KCNIP4: variants seen among roughly 807,000 people sequenced by gnomAD.
KCNIP4 encodes potassium voltage-gated channel interacting protein 4.
In KCNIP4, 12 loss-of-function variants were observed where a neutral mutation model predicts 34.0. The observed-to-expected ratio is 0.35, with a 90% CI of 0.23 to 0.57. KCNIP4 has a LOEUF of 0.57. Ranked by LOEUF, KCNIP4 falls within the 20% of genes least tolerant of loss-of-function variation. The pLI, the probability that KCNIP4 is intolerant of heterozygous loss-of-function variation, is 0.83. For missense variants in KCNIP4, 238 were observed against 311.7 expected (o/e 0.76, Z 1.78); for synonymous variants, 124 against 102.2 (o/e 1.21, Z -1.29).
intron 1 of KCNIP4, among the ~76,000 whole-genome samples, chr4:20,911,108 G>T (rs561373343): frequency 5.3e-5 from 8 of 152,230 alleles, no homozygotes; most frequent in African/African-American, 1.9e-4. Flanking sequence ...AACAAATCTA[G>T]TTTGTTTTAG....
chr4:21,291,927 GA>G (rs1560260167), intron 1 of KCNIP4, among the ~76,000 whole-genome samples: 1 of 66,666 alleles, frequency 1.5e-5, no homozygotes, highest in Non-Finnish European at 2.7e-5. Context: ...AAGAAAGAAA[GA>G]AAGAAAGAAA....
chr4:20,878,066 G>A (rs1295365791), intron 2 of KCNIP4, among the ~76,000 whole-genome samples: 5 of 151,962 alleles, frequency 3.3e-5, no homozygotes. Flanking sequence ...GGTCATCAGT[G>A]GAGCTCAGCC....
At chr4:20,760,553 T>A (rs1432287305) in intron 3 of KCNIP4, among the ~76,000 whole-genome samples, 1 of 152,218 alleles carries the variant, frequency 6.6e-6, no homozygotes, top group African/African-American at 2.4e-5. Flanking sequence ...ATAAACAGTG[T>A]TAACAGTTTC....
chr4:20,779,576 A>ACC (rs71653900), intron 3 of KCNIP4, among the ~76,000 whole-genome samples: 846 of 80,488 alleles, frequency 0.011, 12 homozygotes, highest in Middle Eastern at 0.022. Flanking sequence ...CTGCCCCACA[A>ACC]CCCCCCCCCC....
rs115172888 is a variant in KCNIP4 at position 20,934,775 on chromosome 4, C to T, written c.62-52066G>A. 2.6e-3 allele frequency among the ~76,000 whole-genome samples: 390 copies of T among 152,234 alleles called. 3 individuals are homozygous for T. The highest frequency in any genetic ancestry group is 9.0e-3 in the African/African-American group (373 of 41,552). ...TAGAAAAATAAAGCAAGGAAGGAGGCTGTATTATACTCATAGAGCTGCCTT... is the reference window on the plus strand; with the variant it reads ...TAGAAAAATAAAGCAAGGAAGGAGGTTGTATTATACTCATAGAGCTGCCTT... On this transcript the variant is annotated intron_variant, in intron 1 of 8. Coordinates refer to ENST00000382152, the MANE Select transcript of KCNIP4 (RefSeq NM_025221.6).
At chr4:21,141,661 AG>A (rs1751961715) in intron 1 of KCNIP4, among the ~76,000 whole-genome samples, 1 of 152,190 alleles carries the variant, frequency 6.6e-6, no homozygotes. Context: ...GGAAAAGTTT[AG>A]GAAAAGTATG....
In KCNIP4 at chr4:20,730,070, C is replaced by CTATT; in HGVS notation, c.*8_*11dup. ...CACATTTGTCTGTTGGATTCAGGATCTATTTGACAAGTTAAATCACATTTT... is the reference window on the plus strand; with the variant it reads ...CACATTTGTCTGTTGGATTCAGGATCTATTTATTTGACAAGTTAAATCACATTTT... On this transcript the variant is annotated 3_prime_UTR_variant, in exon 9 of 9. Coordinates refer to ENST00000382152, the MANE Select transcript of KCNIP4 (RefSeq NM_025221.6). The CTATT allele has an allele frequency of 1.9e-6, 3 of 1,605,738 alleles. No homozygotes were observed. Among genetic ancestry groups the CTATT allele is most frequent in the African/African-American group, 1.3e-5 (1 of 74,606 alleles).
chr4:20,884,702 C>A (rs963856111), intron 1 of KCNIP4, among the ~76,000 whole-genome samples: 5 of 147,306 alleles, frequency 3.4e-5, no homozygotes, highest in East Asian at 2.0e-4. Context: ...TATCCCAGTG[C>A]AGCCTTTTTT....
intron 1 of KCNIP4, among the ~76,000 whole-genome samples, chr4:21,719,636 T>C (rs890475214): frequency 2.6e-5 from 4 of 152,064 alleles, no homozygotes; most frequent in African/African-American, 7.2e-5. Flanking sequence ...TCATCAGCAG[T>C]GGCAAGAAGA....
intron 1 of KCNIP4, among the ~76,000 whole-genome samples, chr4:21,044,471 C>T (rs918197436): frequency 4.6e-5 from 7 of 152,052 alleles, no homozygotes; most frequent in Non-Finnish European, 8.8e-5. Flanking sequence ...GCCACCATGC[C>T]CGGCTAATTT....
chr4:21,004,950 G>A (rs1013131049), intron 1 of KCNIP4, among the ~76,000 whole-genome samples: 2 of 152,090 alleles, frequency 1.3e-5, no homozygotes, highest in African/African-American at 4.8e-5. Flanking sequence ...AGAGGAAGAA[G>A]TGAATGTAGG....
intron 1 of KCNIP4, among the ~76,000 whole-genome samples, chr4:21,273,400 C>G (rs2322882): frequency 2.6e-5 from 4 of 151,866 alleles, no homozygotes; most frequent in African/African-American, 9.7e-5. Flanking sequence ...TCTGACTTCC[C>G]TCCTGTATTA....
chr4:21,257,211 G>A (rs1018776878), intron 1 of KCNIP4, among the ~76,000 whole-genome samples: 1 of 152,196 alleles, frequency 6.6e-6, no homozygotes, highest in African/African-American at 2.4e-5. Context: ...TAAAAAGCAA[G>A]AGTTCCACTT....
chr4:21,521,968 T>C (rs946924633), intron 1 of KCNIP4, among the ~76,000 whole-genome samples: 7 of 152,112 alleles, frequency 4.6e-5, no homozygotes, highest in Non-Finnish European at 7.3e-5. Flanking sequence ...GCAGCTGTCT[T>C]TCAAGGCATG....
At chr4:21,432,595 C>A (rs1022630472) in intron 1 of KCNIP4, among the ~76,000 whole-genome samples, 6 of 152,046 alleles carry the variant, frequency 3.9e-5, no homozygotes, top group African/African-American at 1.4e-4. Context: ...AAGACCAGTA[C>A]CAAAGGCGAA....
At chr4:21,665,858 G>A (rs1266477726) in intron 1 of KCNIP4, among the ~76,000 whole-genome samples, 1 of 152,154 alleles carries the variant, frequency 6.6e-6, no homozygotes, top group Non-Finnish European at 1.5e-5. Context: ...TATATCCCCT[G>A]AAGCCTTCAT....
chr4:21,930,852 C>T (rs552584256), intron 1 of KCNIP4, among the ~76,000 whole-genome samples: 2 of 152,184 alleles, frequency 1.3e-5, no homozygotes, highest in Admixed American at 1.3e-4. Flanking sequence ...GCTACTTGTC[C>T]ACATGTCCCT....
chr4:21,780,947 A>G (rs1412076368), intron 1 of KCNIP4, among the ~76,000 whole-genome samples: 1 of 152,100 alleles, frequency 6.6e-6, no homozygotes, highest in African/African-American at 2.4e-5. Context: ...TTCTGTCTTC[A>G]CAGGGATCTC....
At chr4:21,155,983 A>G (rs1355702447) in intron 1 of KCNIP4, among the ~76,000 whole-genome samples, 1 of 152,198 alleles carries the variant, frequency 6.6e-6, no homozygotes, top group Non-Finnish European at 1.5e-5. Context: ...ACAACTTTAT[A>G]CCACTTAGCT....
Sources: allele counts gnomAD v4.1 joint callset (sites outside exome capture counted in the v4.1 genomes callset), GRCh38; gene constraint gnomAD v4.1.1; transcripts MANE v1.5; gene names NCBI Gene and HGNC (gene_info 2026-07-23, HGNC 2026-07-21).